KCTD1: variants seen among roughly 807,000 people sequenced by gnomAD.
The protein encoded by KCTD1 is potassium channel tetramerization domain containing 1, also known as BTB/POZ domain-containing protein KCTD1.
Under a neutral mutation model 66.0 loss-of-function variants are expected in KCTD1, and 24 were observed. The ratio of observed to expected loss-of-function variants is 0.36; its 90% CI spans 0.26 to 0.51. The LOEUF is 0.51. Ranked by LOEUF, KCTD1 falls within the 20% of genes least tolerant of loss-of-function variation. The probability of loss-of-function intolerance (pLI) is 0.95; values close to 1 mark genes in which losing one functional copy is unlikely to be tolerated. For synonymous variants in KCTD1, 511 were observed against 517.2 expected (o/e 0.99, Z 0.16); for missense variants, 943 against 1,205.2 (o/e 0.78, Z 3.22).
intron 1 of KCTD1, among the ~76,000 whole-genome samples, chr18:26,593,514 G>A (rs200010317): frequency 1.1e-5 from 1 of 91,374 alleles, no homozygotes; most frequent in African/African-American, 4.3e-5. Context: ...AGATGAGGAG[G>A]AGGAAGAAGA....
intron 1 of KCTD1, among the ~76,000 whole-genome samples, chr18:26,514,449 T>C (rs1177716051): frequency 6.7e-6 from 1 of 150,022 alleles, no homozygotes; most frequent in African/African-American, 2.5e-5. Flanking sequence ...ACTCAGGAGG[T>C]TGAAACAGGA....
chr18:26,473,830 G>A (rs562090451), intron 3 of KCTD1, among the ~76,000 whole-genome samples: 181 of 152,312 alleles, frequency 1.2e-3, no homozygotes, highest in African/African-American at 4.1e-3. Context: ...AGGGCTGCGG[G>A]AAGCTCATTC....
upstream of KCTD1, among the ~76,000 whole-genome samples, chr18:26,631,852 T>A (rs891936681): frequency 1.4e-5 from 2 of 145,982 alleles, no homozygotes; most frequent in Non-Finnish European, 3.0e-5. Context: ...ATCGAGACCA[T>A]CCTGGCTAAC....
Position 26,532,499 on chromosome 18 carries a change from A to G in KCTD1, c.1809+14229T>C, listed in dbSNP as rs866665255. Among the ~76,000 whole-genome samples, 20 of 152,132 alleles carry G rather than the reference A, an allele frequency of 1.3e-4. 1 individual carries two copies. Among genetic ancestry groups the G allele is most frequent in the Admixed American group, 2.0e-4 (3 of 15,292 alleles). ...GGCTGGTCTCAAACTCGTGGCCTCA[A>G]GCAATCTTCTAGCCTCGGCTTCCCA... On this transcript the variant is annotated intron_variant, in intron 1 of 4. Coordinates refer to ENST00000580059, the MANE Select transcript of KCTD1 (RefSeq NM_001142730.3).
intron 1 of KCTD1, among the ~76,000 whole-genome samples, chr18:26,605,758 A>ATCTATCTATCTATCTATCTATCTG (rs1555646517): frequency 2.8e-5 from 4 of 144,456 alleles, no homozygotes; most frequent in African/African-American, 1.0e-4. Flanking sequence ...CTATCTATCT[A>ATCTATCTATCTATCTATCTATCTG]TCTATCTATC....
At chr18:26,595,772 G>A (rs1986751504) in intron 1 of KCTD1, among the ~76,000 whole-genome samples, 1 of 152,212 alleles carries the variant, frequency 6.6e-6, no homozygotes, top group Non-Finnish European at 1.5e-5. Context: ...GGGTTCATTG[G>A]CTCACACCGG....
intron 1 of KCTD1, chr18:26,640,267 C>T (rs1322867193): frequency 6.6e-6 from 1 of 152,026 alleles, no homozygotes; most frequent in Non-Finnish European, 1.5e-5. Flanking sequence ...GAGACCTCAT[C>T]CCTCCAGAAA....
intron 1 of KCTD1, among the ~76,000 whole-genome samples, chr18:26,645,515 C>G (rs957555361): frequency 3.9e-5 from 6 of 152,130 alleles, no homozygotes; most frequent in African/African-American, 1.4e-4. Flanking sequence ...CAATCCTCCT[C>G]CCTCAGCCTC....
chr18:26,524,496 G>A lies in KCTD1; in HGVS notation c.1809+22232C>T, dbSNP rs1311729048. 2.6e-5 allele frequency among the ~76,000 whole-genome samples: 4 copies of A among 152,164 alleles called. No homozygotes were observed. The East Asian group carries it at 5.8e-4, about 22-fold the overall frequency. ...TAGGAATGATCTGCATTATTTACAT[G>A]AGCCCCCAAAGTCACTCAGGCTCAG... On this transcript the variant is annotated intron_variant, in intron 1 of 4. Transcript: ENST00000580059.
At chr18:26,637,081 C>G (rs1400094315) in intron 1 of KCTD1, among the ~76,000 whole-genome samples, 1 of 152,202 alleles carries the variant, frequency 6.6e-6, no homozygotes, top group Non-Finnish European at 1.5e-5. Context: ...TCAGACCCCT[C>G]GTGTTTGTGC....
chr18:26,618,205 A>G (rs1384899824), intron 1 of KCTD1, among the ~76,000 whole-genome samples: 1 of 152,204 alleles, frequency 6.6e-6, no homozygotes, highest in African/African-American at 2.4e-5. Flanking sequence ...CAAGACAATT[A>G]TCTTACAAGT....
At chr18:26,657,374 C>T (rs919919864) in exon 1 of KCTD1, 1 of 985,468 alleles carries the variant, frequency 1.0e-6, no homozygotes, top group Non-Finnish European at 1.2e-6. Flanking sequence ...AACATTGAAG[C>T]ACAAAGTCTC....
intron 4 of KCTD1, chr18:26,458,858 C>T (rs1980247611): frequency 6.6e-6 from 1 of 152,268 alleles, no homozygotes; most frequent in Non-Finnish European, 1.5e-5. Flanking sequence ...TGCCTGGTCT[C>T]CTTGTTTCTC....
chr18:26,490,595 G>A (rs531830357), intron 2 of KCTD1, among the ~76,000 whole-genome samples: 171 of 152,294 alleles, frequency 1.1e-3, no homozygotes, highest in Non-Finnish European at 1.9e-3. Flanking sequence ...TCACACTGCA[G>A]CTGCCCTGGG....
rs147475467 is a variant in KCTD1, at chr18:26,604,833, C to T, written c.-16+24314G>A. The stretch of plus-strand genomic sequence containing the variant: ...GATGAAATAATCTGTACAATTAATC[C>T]CTGTGAAATGAGTTTATCTATGTAA... On this transcript the variant is annotated intron_variant, in intron 1 of 4. Coordinates refer to the KCTD1 transcript ENST00000317932. Among the ~76,000 whole-genome samples the T allele has an allele frequency of 4.0e-3, 604 of 152,112 alleles. 4 individuals carry two copies. Among genetic ancestry groups the T allele is most frequent in the African/African-American group, 0.014 (569 of 41,462 alleles).
At chr18:26,585,153 A>G (rs372392596) in intron 1 of KCTD1, among the ~76,000 whole-genome samples, 196 of 152,046 alleles carry the variant, frequency 1.3e-3, no homozygotes, top group African/African-American at 4.2e-3. Context: ...ACTTAACTGG[A>G]CCCCTAACTG....
Position 26,591,447 on chromosome 18 carries a change from C to CCGA in KCTD1, c.-16+37697_-16+37699dup, listed in dbSNP as rs1310275794. ...GATAAAGCATGTTGCTCAAGGTCTC[C>CCGA]CGACTACTACTACTACTAATAATTT... On this transcript the variant is annotated intron_variant, in intron 1 of 4. Coordinates refer to the KCTD1 transcript ENST00000317932. 1.1e-4 allele frequency: 16 copies of CCGA among 144,690 alleles called. No homozygotes were observed. In the Admixed American group the frequency reaches 1.1e-3, roughly 10 times the overall value. 9.0% of individuals were successfully genotyped at this position (144,690 alleles called of 1,614,324 possible).
At chr18:26,610,342 G>T (rs920095516) in intron 1 of KCTD1, among the ~76,000 whole-genome samples, 5 of 152,124 alleles carry the variant, frequency 3.3e-5, no homozygotes, top group African/African-American at 1.2e-4. Context: ...GGAGGCCAAG[G>T]CAGGTAGATT....
rs528576820 is a variant in KCTD1, at chr18:26,596,440, GTTGT to G, written c.-16+32703_-16+32706del. Among the ~76,000 whole-genome samples, 57 of 152,322 alleles carry G rather than the reference GTTGT, an allele frequency of 3.7e-4. No individual in the cohort carries two copies. In the South Asian group the frequency reaches 8.3e-3, roughly 22 times the overall value. The stretch of plus-strand genomic sequence containing the variant: ...TAGAACTGTAAGAAAATAAATTTCT[GTTGT>G]TTAAGTCACCTAGTCTATGCTATTT... On this transcript the variant is annotated intron_variant, in intron 1 of 4. Coordinates refer to the KCTD1 transcript ENST00000317932.
Sources: allele counts gnomAD v4.1 joint callset (sites outside exome capture counted in the v4.1 genomes callset), GRCh38; gene constraint gnomAD v4.1.1; transcripts MANE v1.5; gene names NCBI Gene and HGNC (gene_info 2026-07-23, HGNC 2026-07-21).